The following ANO2 variants were observed in gnomAD, a reference collection of about 807,000 sequenced individuals.
ANO2 encodes anoctamin-2.
Under a neutral mutation model 124.2 loss-of-function variants are expected in ANO2, and 101 were observed. That is an observed-to-expected ratio of 0.81 (90% CI 0.69 to 0.96). The LOEUF (loss-of-function observed/expected upper bound fraction) is 0.96, where lower values mean the gene tolerates loss of function less well. ANO2 is among the 40% of genes least tolerant of loss of function. ANO2 has a pLI of 0.00. For synonymous variants in ANO2, 486 were observed against 482.5 expected (o/e 1.01, Z -0.09); for missense variants, 1,293 against 1,274.5 (o/e 1.01, Z -0.22).
intron 14 of ANO2, among the ~76,000 whole-genome samples, chr12:5,688,147 A>G (rs1948781044): frequency 6.6e-6 from 1 of 152,214 alleles, no homozygotes; most frequent in South Asian, 2.1e-4. Context: ...ACCTAGAAAC[A>G]ACAACTGTGA....
At chr12:5,807,689 T>C (rs977554011) in intron 7 of ANO2, among the ~76,000 whole-genome samples, 7 of 152,240 alleles carry the variant, frequency 4.6e-5, no homozygotes, top group Non-Finnish European at 1.0e-4. Flanking sequence ...CTGTGCTCCA[T>C]GACCGCATAG....
chr12:5,744,584 T>C (rs1951210801), intron 11 of ANO2, among the ~76,000 whole-genome samples: 1 of 152,170 alleles, frequency 6.6e-6, no homozygotes, highest in African/African-American at 2.4e-5. Context: ...GTCAGAGACA[T>C]TGAGCATTAA....
At chr12:5,639,060 A>C (rs1946194029) in intron 15 of ANO2, among the ~76,000 whole-genome samples, 1 of 152,202 alleles carries the variant, frequency 6.6e-6, no homozygotes, top group Non-Finnish European at 1.5e-5. Context: ...AGCAGAGAGC[A>C]GGGGGATTAG....
intron 1 of ANO2, among the ~76,000 whole-genome samples, chr12:5,928,164 C>T (rs1942175499): frequency 1.3e-5 from 2 of 152,144 alleles, no homozygotes; most frequent in African/African-American, 4.8e-5. Flanking sequence ...AGGAGGTGTC[C>T]TGAGGGAACT....
intron 14 of ANO2, among the ~76,000 whole-genome samples, chr12:5,655,861 A>G (rs143490370): frequency 3.9e-4 from 60 of 152,352 alleles, no homozygotes; most frequent in African/African-American, 1.4e-3. Flanking sequence ...TAAAAAATAC[A>G]TGGACCATGA....
chr12:5,610,330 C>T (rs1199388339), intron 19 of ANO2, among the ~76,000 whole-genome samples: 1 of 50,488 alleles, frequency 2.0e-5, no homozygotes, highest in African/African-American at 9.2e-5. Context: ...TATATAAATG[C>T]ATATATTTAT....
intron 14 of ANO2, among the ~76,000 whole-genome samples, chr12:5,675,603 T>C (rs1167557181): frequency 6.6e-6 from 1 of 152,212 alleles, no homozygotes; most frequent in East Asian, 1.9e-4. Flanking sequence ...ACACTTGTCC[T>C]TGGCCTCGTA....
chr12:5,837,244 T>G (rs1452381153), intron 4 of ANO2, among the ~76,000 whole-genome samples: 1 of 144,600 alleles, frequency 6.9e-6, no homozygotes, highest in Non-Finnish European at 1.5e-5. Flanking sequence ...GGGCCAGGAG[T>G]GCAGCACCCA....
intron 3 of ANO2, among the ~76,000 whole-genome samples, chr12:5,916,944 G>C (rs1348290108): frequency 6.6e-6 from 1 of 152,206 alleles, no homozygotes; most frequent in Non-Finnish European, 1.5e-5. Context: ...TTGGAAGACA[G>C]AGACAACGCT....
At chr12:5,616,574 C>T (rs1426018861) in intron 16 of ANO2, among the ~76,000 whole-genome samples, 1 of 152,176 alleles carries the variant, frequency 6.6e-6, no homozygotes, top group Non-Finnish European at 1.5e-5. Flanking sequence ...GAAGCACAGC[C>T]TGAAAGTGGA....
chr12:5,588,156 ATGGG>A (rs1943212859), intron 20 of ANO2, among the ~76,000 whole-genome samples: 1 of 151,774 alleles, frequency 6.6e-6, no homozygotes, highest in African/African-American at 2.4e-5. Context: ...AGTCCAAGAC[ATGGG>A]CCCTTCTGGA....
At position 5,613,622 on chromosome 12, in the gene ANO2, T is replaced by C. The variant is rs35639747; in HGVS notation, c.1929-664A>G. Reference sequence around the variant, plus strand: ...GCAGGGTCATCCCTGTGTTCACCTGTTGAAATCCTACTCATCCATTTAAGG... The same window carrying C: ...GCAGGGTCATCCCTGTGTTCACCTGCTGAAATCCTACTCATCCATTTAAGG... On this transcript the variant is annotated intron_variant, in intron 17 of 24. Coordinates refer to ENST00000682330, the MANE Select transcript of ANO2 (RefSeq NM_001364791.2). 9.9e-3 allele frequency among the ~76,000 whole-genome samples: 1,513 copies of C among 152,328 alleles called. 20 individuals carry two copies. The highest frequency in any genetic ancestry group is 0.014 in the Non-Finnish European group (979 of 68,040).
intron 14 of ANO2, among the ~76,000 whole-genome samples, chr12:5,688,810 C>CTTTTTTTTTT (rs36091783): frequency 1.7e-5 from 2 of 119,386 alleles, no homozygotes; most frequent in Non-Finnish European, 3.4e-5. Context: ...TGGGAGTATC[C>CTTTTTTTTTT]TTTTTTTTTT....
At chr12:5,886,812 A>T (rs1193067026) in intron 3 of ANO2, among the ~76,000 whole-genome samples, 1 of 152,170 alleles carries the variant, frequency 6.6e-6, no homozygotes, top group Non-Finnish European at 1.5e-5. Flanking sequence ...CTTTGAAGAC[A>T]TTATGTTAAG....
chr12:5,909,275 C>A (rs541516244), intron 3 of ANO2, among the ~76,000 whole-genome samples: 2 of 152,294 alleles, frequency 1.3e-5, no homozygotes, highest in Admixed American at 6.5e-5. Context: ...TACTTACTGG[C>A]AGGCAAGGGG....
chr12:5,839,973 C>G (rs1954461834), intron 4 of ANO2, among the ~76,000 whole-genome samples: 1 of 152,124 alleles, frequency 6.6e-6, no homozygotes, highest in Admixed American at 6.5e-5. Flanking sequence ...TGTAGTGCCC[C>G]TTTCCACCCT....
chr12:5,783,214 A>G (rs1018710871), intron 10 of ANO2, among the ~76,000 whole-genome samples: 1 of 152,184 alleles, frequency 6.6e-6, no homozygotes, highest in Admixed American at 6.5e-5. Flanking sequence ...CTGACTTTAC[A>G]TTTATCATGA....
intron 14 of ANO2, among the ~76,000 whole-genome samples, chr12:5,683,002 G>A (rs1023237871): frequency 2.6e-5 from 4 of 152,158 alleles, no homozygotes; most frequent in African/African-American, 9.7e-5. Context: ...GACCCCTTGA[G>A]TACTGGGGAC....
At chr12:5,872,196 G>A (rs546482996) in intron 3 of ANO2, among the ~76,000 whole-genome samples, 1 of 152,220 alleles carries the variant, frequency 6.6e-6, no homozygotes, top group South Asian at 2.1e-4. Context: ...TCGCGCACCT[G>A]CTCTGGTCTC....
Sources: gnomAD v4.1 joint callset for allele counts (sites outside exome capture counted in the v4.1 genomes callset) on GRCh38, gnomAD v4.1.1 for gene constraint, MANE v1.5 for transcripts, NCBI Gene and HGNC (gene_info 2026-07-23, HGNC 2026-07-21) for gene names.